The following FLT1 variants were observed in gnomAD, a reference collection of about 807,000 sequenced individuals.
FLT1 encodes fms related receptor tyrosine kinase 1, also known as vascular endothelial growth factor receptor 1.
In FLT1, 49 loss-of-function variants were observed where a neutral mutation model predicts 156.3. The observed-to-expected ratio is 0.31, with a 90% CI of 0.25 to 0.40. The LOEUF (loss-of-function observed/expected upper bound fraction) is 0.40, where lower values mean the gene tolerates loss of function less well. FLT1 is among the 10% of genes least tolerant of loss of function. The probability of loss-of-function intolerance (pLI) is 1.00; values close to 1 mark genes in which losing one functional copy is unlikely to be tolerated. For synonymous variants in FLT1, 594 were observed against 583.8 expected, an observed-to-expected ratio of 1.02 and a Z score of -0.25; for missense variants, 1,322 against 1,637.2, an observed-to-expected ratio of 0.81 and a Z score of 3.32.
At chr13:28,406,116 A>G (rs1046497368) in intron 10 of FLT1, among the ~76,000 whole-genome samples, 1 of 152,238 alleles carries the variant, frequency 6.6e-6, no homozygotes, top group Non-Finnish European at 1.5e-5. Context: ...GTGTGTCACC[A>G]TACATCCTTT....
At chr13:28,438,378 A>G (rs763898943) in intron 3 of FLT1, 33 bp from the exon 4 acceptor site, 38 of 1,562,546 alleles carry the variant, frequency 2.4e-5, no homozygotes, top group Non-Finnish European at 3.3e-5. Flanking sequence ...AAATATATAC[A>G]TAAATGATTG....
Position 28,322,860 on chromosome 13 carries a change from G to A in FLT1, c.2883C>T (p.Thr961=). Residue 961 remains threonine, a synonymous_variant, in exon 21 of 30, where the codon ACC becomes ACT. Coordinates refer to ENST00000282397, the MANE Select transcript of FLT1 (RefSeq NM_002019.4). This position sits in a 1 kb window ranked among gnomAD's most constrained non-coding sequence, Gnocchi z 4.3. ...CGGAGCTCGCAAAGCTTTCGCTGCT[G>A]GTGACGCTATCTAGTCTTGGTTTCT... ...QGKKPRLDSV[T]SSESFASSGF... is the part of the protein sequence containing the mutation. 2 of 1,614,122 alleles carry A rather than the reference G, an allele frequency of 1.2e-6. No individual in the cohort carries two copies. Among genetic ancestry groups the A allele is most frequent in the Non-Finnish European group, 1.7e-6 (2 of 1,180,000 alleles).
At chr13:28,454,092 C>G (rs545199638) in intron 3 of FLT1, among the ~76,000 whole-genome samples, 5 of 152,120 alleles carry the variant, frequency 3.3e-5, no homozygotes, top group Non-Finnish European at 5.9e-5. Flanking sequence ...CCACACCCCT[C>G]TTACTGCTCT....
chr13:28,389,823 G>C lies in FLT1; in HGVS notation c.1942C>G (p.Leu648Val). 1 of 1,614,182 alleles carries C rather than the reference G, an allele frequency of 6.2e-7. No individual in the cohort carries two copies. Among genetic ancestry groups the C allele is most frequent in the Non-Finnish European group, 8.5e-7 (1 of 1,180,018 alleles). ...CTGATTGTAATTTCTTTCTTCTGGAGGATTTCTTCCCCTGTGTATACATTC... is the reference window on the plus strand; with the variant it reads ...CTGATTGTAATTTCTTTCTTCTGGACGATTTCTTCCCCTGTGTATACATTC... ...ARNVYTGEEILQKKEITIRDQ... is the reference protein window; with the variant it reads ...ARNVYTGEEIVQKKEITIRDQ... Residue 648 changes from leucine to valine, a missense_variant, in exon 13 of 30, where the codon CTC becomes GTC. Around this residue, in one of 3 missense-constraint regions of FLT1, gnomAD observed 991 missense variants for 1,254.8 expected, o/e 0.79. Coordinates refer to ENST00000282397, the MANE Select transcript of FLT1 (RefSeq NM_002019.4).
In FLT1 at chr13:28,494,811, C is replaced by G; in HGVS notation, c.33G>C (p.Leu11=). Reference sequence around the variant, plus strand: ...GAAGCAGACAGCTGAGCAGCGCGCACAGCAGGACCCCGGTGTCCCAGTAGC... The same window carrying G: ...GAAGCAGACAGCTGAGCAGCGCGCAGAGCAGGACCCCGGTGTCCCAGTAGC... MVSYWDTGVL[L]CALLSCLLLT... Residue 11 remains leucine, a synonymous_variant, in exon 1 of 30, where the codon CTG becomes CTC. Transcript: ENST00000282397. 6.4e-7 allele frequency: 1 copy of G among 1,574,694 alleles called. No individual in the cohort carries two copies. Among genetic ancestry groups the G allele is most frequent in the South Asian group, 1.2e-5 (1 of 86,736 alleles).
intron 1 of FLT1, among the ~76,000 whole-genome samples, chr13:28,468,813 G>A (rs987730411): frequency 6.6e-6 from 1 of 152,186 alleles, no homozygotes; most frequent in Admixed American, 6.5e-5. Context: ...CACCATGCTT[G>A]TACAGCCTGG....
rs747391113 is a variant in FLT1, at chr13:28,430,159, A to C, written c.997T>G (p.Phe333Val). ...TGTTTTCGATGTTTCACAGTGATGA[A>C]TGCTTTATCTTTGAAAGGAGAAGTG... ...NTSVHIYDKA[F>V]ITVKHRKQQV... The change falls in exon 8 of 30, where the codon TTC (phenylalanine) becomes GTC (valine). Residue 333 changes from phenylalanine to valine, a missense_variant. Phe to Val is a conservative substitution (Grantham distance 50). Around this residue, in one of 3 missense-constraint regions of FLT1, gnomAD observed 991 missense variants for 1,254.8 expected, o/e 0.79. Transcript: ENST00000282397. The C allele has an allele frequency of 1.9e-6, 3 of 1,610,586 alleles. No individual in the cohort carries two copies. The highest frequency in any genetic ancestry group is 2.5e-6 in the Non-Finnish European group (3 of 1,176,836).
At chr13:28,414,732 C>T (rs1876544944) in intron 10 of FLT1, among the ~76,000 whole-genome samples, 1 of 152,190 alleles carries the variant, frequency 6.6e-6, no homozygotes, top group South Asian at 2.1e-4. Context: ...GTCTTTTGCT[C>T]AGTTAACTCC....
chr13:28,383,311 G>A (rs568730867), intron 14 of FLT1, among the ~76,000 whole-genome samples: 26 of 152,032 alleles, frequency 1.7e-4, no homozygotes, highest in South Asian at 2.1e-4. Flanking sequence ...AACTTTTCAC[G>A]CACCAAGTAC....
chr13:28,321,322 G>A (rs144989526), intron 23 of FLT1, 141 bp downstream of exon 23: 125 of 1,022,772 alleles, frequency 1.2e-4, no homozygotes, highest in African/African-American at 1.1e-3. Flanking sequence ...CTGGGATGCC[G>A]CTCATCTGGA....
At chr13:28,446,191 G>A (rs772177693) in intron 3 of FLT1, among the ~76,000 whole-genome samples, 11 of 152,106 alleles carry the variant, frequency 7.2e-5, no homozygotes, top group Non-Finnish European at 1.5e-4. Flanking sequence ...AAAACCCTAC[G>A]TCTAACATCA....
At chr13:28,325,437 A>C (rs939374817) in intron 20 of FLT1, among the ~76,000 whole-genome samples, 2 of 152,264 alleles carry the variant, frequency 1.3e-5, no homozygotes, top group East Asian at 3.9e-4. Context: ...TGTGTCCTTA[A>C]GCGAATCACT....
chr13:28,379,990 T>C (rs752246899), intron 14 of FLT1, among the ~76,000 whole-genome samples: 17 of 152,146 alleles, frequency 1.1e-4, no homozygotes, highest in Middle Eastern at 3.2e-3. Context: ...AAAATAACAA[T>C]GATAATGGAC....
intron 14 of FLT1, among the ~76,000 whole-genome samples, chr13:28,367,499 G>T (rs770695623): frequency 3.3e-5 from 5 of 152,178 alleles, no homozygotes; most frequent in African/African-American, 1.2e-4. Context: ...TAATTTTCAA[G>T]GGACTCTGTA....
intron 29 of FLT1, among the ~76,000 whole-genome samples, chr13:28,304,508 G>T (rs1870656075): frequency 6.6e-6 from 1 of 151,530 alleles, no homozygotes; most frequent in African/African-American, 2.4e-5. Context: ...CACCTGTCTG[G>T]TGTTTTTTTT....
At chr13:28,387,615 A>G (rs1874437874) in intron 13 of FLT1, 1 of 1,064,600 alleles carries the variant, frequency 9.4e-7, no homozygotes, top group African/African-American at 1.6e-5. Flanking sequence ...CACAGCTTCT[A>G]TCCTCCGTTT....
intron 17 of FLT1, among the ~76,000 whole-genome samples, chr13:28,338,057 C>G (rs1236396060): frequency 6.6e-6 from 1 of 152,150 alleles, no homozygotes; most frequent in Admixed American, 6.5e-5. Context: ...TGGCTTTCTC[C>G]TGTCTCTCCA....
intron 26 of FLT1, 116 bp from the exon 27 acceptor site, chr13:28,311,848 G>T: frequency 7.9e-7 from 1 of 1,259,482 alleles, no homozygotes; most frequent in Non-Finnish European, 1.2e-6. Context: ...GTTTTGAGAA[G>T]ATAATTCTGT....
At chr13:28,399,820 C>T (rs984376633) in intron 11 of FLT1, among the ~76,000 whole-genome samples, 4 of 152,176 alleles carry the variant, frequency 2.6e-5, no homozygotes, top group South Asian at 2.1e-4. Context: ...CAGAAAACAA[C>T]GTTGATGGGA....
Sources: gnomAD v4.1 joint callset for allele counts (sites outside exome capture counted in the v4.1 genomes callset) on GRCh38, gnomAD v4.1.1 for gene constraint, gnomAD v4.1.1 regional missense constraint, Gnocchi (gnomAD v3.1) non-coding constraint, MANE v1.5 for transcripts, NCBI Gene and HGNC (gene_info 2026-07-23, HGNC 2026-07-21) for gene names.